Variants in LRRC49 observed in about 807,000 individuals in gnomAD.
LRRC49 encodes the protein leucine-rich repeat-containing protein 49.
Under a neutral mutation model 83.3 loss-of-function variants are expected in LRRC49, and 50 were observed. That is an observed-to-expected ratio of 0.60 (90% CI 0.48 to 0.76). LRRC49 has a LOEUF of 0.76. Among genes scored for constraint, LRRC49 ranks in the 30% least tolerant of loss-of-function variants. LRRC49 has a pLI of 0.00. For synonymous variants in LRRC49, 286 were observed against 283.3 expected (o/e 1.01, Z -0.10); for missense variants, 704 against 809.1 (o/e 0.87, Z 1.58).
Position 70,939,785 on chromosome 15 carries a change from G to C in LRRC49, c.773+2963G>C, listed in dbSNP as rs559621540. On this transcript the variant is annotated intron_variant, in intron 8 of 15. Coordinates refer to ENST00000260382, the MANE Select transcript of LRRC49 (RefSeq NM_017691.5). ...CTCTCATACCTCTTTTCTTACTTTA[G>C]TAAGACAATGTTATTTGGACTCAGC... is the stretch of plus-strand genomic sequence containing the variant. Among the ~76,000 whole-genome samples, 4 of 148,662 alleles carry C rather than the reference G, an allele frequency of 2.7e-5. No individual in the cohort carries two copies. The South Asian group carries it at 8.6e-4, about 32-fold the overall frequency.
At chr15:70,969,863 T>G (rs752310073) in intron 9 of LRRC49, among the ~76,000 whole-genome samples, 91 of 152,190 alleles carry the variant, frequency 6.0e-4, no homozygotes, top group Non-Finnish European at 8.8e-5. Flanking sequence ...CTTATCAGCT[T>G]AAGGAGTTTT....
chr15:70,970,021 G>T (rs1174954673), intron 9 of LRRC49, among the ~76,000 whole-genome samples: 1 of 152,140 alleles, frequency 6.6e-6, no homozygotes, highest in Non-Finnish European at 1.5e-5. Context: ...ATGTTGAATA[G>T]GAGTGGTGAG....
At chr15:70,969,243 C>A (rs1465275461) in intron 9 of LRRC49, among the ~76,000 whole-genome samples, 1 of 152,152 alleles carries the variant, frequency 6.6e-6, no homozygotes, top group Non-Finnish European at 1.5e-5. Flanking sequence ...ATAGGGAATC[C>A]TTTACCCATT....
chr15:71,005,078 T>C (rs1034488719), intron 11 of LRRC49, among the ~76,000 whole-genome samples: 4 of 152,196 alleles, frequency 2.6e-5, no homozygotes, highest in African/African-American at 9.7e-5. Context: ...AAATATATTA[T>C]ACATAATCAG....
chr15:70,904,166 C>T (rs546384559), intron 4 of LRRC49, among the ~76,000 whole-genome samples: 1 of 152,096 alleles, frequency 6.6e-6, no homozygotes, highest in Non-Finnish European at 1.5e-5. Flanking sequence ...GTAATCGTTA[C>T]ATCGGTGGAT....
At chr15:70,876,855 C>T (rs1192257604) in intron 2 of LRRC49, among the ~76,000 whole-genome samples, 1 of 152,176 alleles carries the variant, frequency 6.6e-6, no homozygotes, top group East Asian at 1.9e-4. Flanking sequence ...ATTCATTTGC[C>T]TAACATACTT....
At chr15:70,930,118 G>A (rs962690073) in intron 7 of LRRC49, among the ~76,000 whole-genome samples, 1 of 152,100 alleles carries the variant, frequency 6.6e-6, no homozygotes, top group African/African-American at 2.4e-5. Context: ...CCCAGATCCA[G>A]TAGAGGAATC....
chr15:71,005,640 T>G (rs1026894580), intron 11 of LRRC49, among the ~76,000 whole-genome samples: 2 of 152,208 alleles, frequency 1.3e-5, no homozygotes, highest in African/African-American at 4.8e-5. Context: ...TTTTGCTATA[T>G]CCAGAAACCT....
intron 7 of LRRC49, among the ~76,000 whole-genome samples, chr15:70,920,268 C>T (rs1374049448): frequency 6.6e-6 from 1 of 152,072 alleles, no homozygotes; most frequent in Non-Finnish European, 1.5e-5. Flanking sequence ...TCTCATCGTA[C>T]AGATTGGTTT....
chr15:70,854,119 C>T, intron 1 of LRRC49: 1 of 1,233,644 alleles, frequency 8.1e-7, no homozygotes, highest in Non-Finnish European at 1.0e-6. Context: ...CGCCGGGGTC[C>T]TCACGCCGCA....
At chr15:70,966,174 A>T (rs758975270) in intron 9 of LRRC49, among the ~76,000 whole-genome samples, 17 of 152,134 alleles carry the variant, frequency 1.1e-4, no homozygotes, top group Non-Finnish European at 2.2e-4. Context: ...ATTTTTGTGT[A>T]AATTACCATA....
chr15:70,862,130 G>A (rs548322177), intron 1 of LRRC49, among the ~76,000 whole-genome samples: 184 of 152,184 alleles, frequency 1.2e-3, no homozygotes, highest in Non-Finnish European at 2.0e-3. Context: ...TGCCTACTCC[G>A]GCCTGAAGGG....
chr15:70,860,195 C>A, intron 1 of LRRC49: 1 of 645,272 alleles, frequency 1.5e-6, no homozygotes, highest in Non-Finnish European at 2.8e-6. Flanking sequence ...TCCTACCCCT[C>A]CTGCGGCTGC....
At chr15:70,928,569 T>G (rs1474509924) in intron 7 of LRRC49, among the ~76,000 whole-genome samples, 1 of 151,942 alleles carries the variant, frequency 6.6e-6, no homozygotes, top group Non-Finnish European at 1.5e-5. Context: ...TTTCTTTTAT[T>G]TATTTATTTA....
chr15:71,035,069 T>C (rs1055064165), intron 14 of LRRC49, among the ~76,000 whole-genome samples: 1 of 152,116 alleles, frequency 6.6e-6, no homozygotes, highest in African/African-American at 2.4e-5. Flanking sequence ...AAGATCTATA[T>C]GTTACTCATT....
intron 10 of LRRC49, among the ~76,000 whole-genome samples, chr15:70,981,895 T>C (rs926184768): frequency 6.8e-5 from 10 of 147,480 alleles, no homozygotes; most frequent in Middle Eastern, 3.5e-3. Flanking sequence ...CTTCTTCTTT[T>C]TTTTTTTTTT....
intron 11 of LRRC49, among the ~76,000 whole-genome samples, chr15:71,002,534 A>G (rs963357787): frequency 3.3e-5 from 5 of 151,810 alleles, no homozygotes; most frequent in Admixed American, 2.6e-4. Flanking sequence ...CTTACATTGG[A>G]TGCATGCAGT....
chr15:70,919,029 T>A, intron 6 of LRRC49, 21 bp from the exon 7 acceptor site: 1 of 1,598,464 alleles, frequency 6.3e-7, no homozygotes, highest in Non-Finnish European at 8.5e-7. Flanking sequence ...CTAATCACCC[T>A]TCTCCTATTT....
intron 11 of LRRC49, among the ~76,000 whole-genome samples, chr15:71,002,432 T>C (rs1429919349): frequency 6.6e-6 from 1 of 152,134 alleles, no homozygotes; most frequent in Non-Finnish European, 1.5e-5. Flanking sequence ...CTATTCACTG[T>C]ACTTGGGACA....
Sources: gnomAD v4.1 joint callset for allele counts (sites outside exome capture counted in the v4.1 genomes callset) on GRCh38, gnomAD v4.1.1 for gene constraint, MANE v1.5 for transcripts, NCBI Gene and HGNC (gene_info 2026-07-23, HGNC 2026-07-21) for gene names.